CACNA2D3: variants seen among roughly 807,000 people sequenced by gnomAD.
CACNA2D3 encodes the protein voltage-dependent calcium channel subunit alpha-2/delta-3.
A neutral mutation model predicts 160.6 loss-of-function variants in CACNA2D3; 60 were observed. The ratio of observed to expected loss-of-function variants is 0.37; its 90% CI spans 0.30 to 0.46. The LOEUF (loss-of-function observed/expected upper bound fraction) is 0.46, where lower values mean the gene tolerates loss of function less well. CACNA2D3 is among the 20% of genes least tolerant of loss of function. The pLI, the probability that CACNA2D3 is intolerant of heterozygous loss-of-function variation, is 1.00. For synonymous variants in CACNA2D3, 558 were observed against 492.9 expected (o/e 1.13, Z -1.75); for missense variants, 1,205 against 1,365.0 (o/e 0.88, Z 1.85).
At chr3:54,827,925 C>CT (rs1417353810) in intron 14 of CACNA2D3, among the ~76,000 whole-genome samples, 1 of 152,194 alleles carries the variant, frequency 6.6e-6, no homozygotes, top group African/African-American at 2.4e-5. Context: ...AGTTCACAGG[C>CT]TTTACACAAT....
chr3:54,871,216 C>CAGAG (rs1559611397), intron 17 of CACNA2D3, among the ~76,000 whole-genome samples: 12 of 109,010 alleles, frequency 1.1e-4, no homozygotes, highest in African/African-American at 4.2e-4. Flanking sequence ...CACACACACA[C>CAGAG]ACACACACCC....
Position 54,157,855 on chromosome 3 carries a change from A to G in CACNA2D3, c.204+34261A>G, listed in dbSNP as rs1253793525. 6.0e-5 allele frequency among the ~76,000 whole-genome samples: 9 copies of G among 150,358 alleles called. No individual in the cohort carries two copies. The South Asian group carries it at 1.7e-3, about 28-fold the overall frequency. On this transcript the variant is annotated intron_variant, in intron 2 of 37. Coordinates refer to ENST00000474759, the MANE Select transcript of CACNA2D3 (RefSeq NM_018398.3). Reference sequence around the variant, plus strand: ...CCAAACAAAAAAAAAAAAAAAAAAAAGAAATGGGGATAAATTATCTGTGCA... The same window carrying G: ...CCAAACAAAAAAAAAAAAAAAAAAAGGAAATGGGGATAAATTATCTGTGCA...
intron 11 of CACNA2D3, among the ~76,000 whole-genome samples, chr3:54,728,030 G>C (rs1357707603): frequency 6.6e-6 from 1 of 151,990 alleles, no homozygotes; most frequent in Non-Finnish European, 1.5e-5. Context: ...TTTATATACT[G>C]TTTAGAATTT....
intron 4 of CACNA2D3, among the ~76,000 whole-genome samples, chr3:54,436,211 A>G (rs1177172823): frequency 6.6e-6 from 1 of 152,262 alleles, no homozygotes; most frequent in East Asian, 1.9e-4. Flanking sequence ...AAAAATGCAA[A>G]TCAAAACCAC....
chr3:54,863,825 A>T (rs547712563), intron 17 of CACNA2D3, among the ~76,000 whole-genome samples: 1 of 152,196 alleles, frequency 6.6e-6, no homozygotes, highest in Non-Finnish European at 1.5e-5. Context: ...GATGCTTAAA[A>T]ACATTAATTA....
At chr3:54,923,952 G>A (rs1046887756) in intron 27 of CACNA2D3, among the ~76,000 whole-genome samples, 3 of 152,228 alleles carry the variant, frequency 2.0e-5, no homozygotes, top group African/African-American at 7.2e-5. Context: ...GCATGGCTGT[G>A]TTCCAATAAA....
intron 2 of CACNA2D3, among the ~76,000 whole-genome samples, chr3:54,226,489 A>G (rs982031084): frequency 2.6e-5 from 4 of 151,782 alleles, no homozygotes; most frequent in Admixed American, 1.3e-4. Flanking sequence ...TTTTGTTGAG[A>G]CAAGGGTCTT....
intron 3 of CACNA2D3, among the ~76,000 whole-genome samples, chr3:54,374,078 G>A (rs1002982915): frequency 1.1e-4 from 16 of 152,300 alleles, no homozygotes; most frequent in African/African-American, 3.1e-4. Context: ...ATCTTTAGGC[G>A]TTTCAAGTAG....
chr3:54,432,979 T>G (rs1700010904), intron 4 of CACNA2D3, among the ~76,000 whole-genome samples: 1 of 152,128 alleles, frequency 6.6e-6, no homozygotes. Flanking sequence ...TGGAATTATT[T>G]TTTTAAAAAA....
chr3:54,778,267 C>A (rs1401356269), intron 13 of CACNA2D3, among the ~76,000 whole-genome samples: 1 of 152,148 alleles, frequency 6.6e-6, no homozygotes, highest in Non-Finnish European at 1.5e-5. Context: ...TCCCGGCAGG[C>A]CCCTTCTCCA....
chr3:54,990,148 A>G (rs1702707680), intron 31 of CACNA2D3, among the ~76,000 whole-genome samples: 1 of 152,198 alleles, frequency 6.6e-6, no homozygotes, highest in Non-Finnish European at 1.5e-5. Context: ...AGATCAGTTT[A>G]CTGTGCTGAC....
chr3:54,761,759 TGAC>T (rs1702084390), intron 12 of CACNA2D3, among the ~76,000 whole-genome samples: 1 of 151,720 alleles, frequency 6.6e-6, no homozygotes, highest in Non-Finnish European at 1.5e-5. Flanking sequence ...CAGGCAGGAG[TGAC>T]AATGCATGCT....
intron 11 of CACNA2D3, among the ~76,000 whole-genome samples, chr3:54,677,057 G>A (rs374427626): frequency 2.0e-5 from 3 of 152,104 alleles, no homozygotes; most frequent in Non-Finnish European, 2.9e-5. Flanking sequence ...TGATATGTAC[G>A]TGCCCTTGAG....
Position 54,583,623 on chromosome 3 carries a change from T to A in CACNA2D3, c.963+1746T>A, listed in dbSNP as rs191242325. ...GCATCCCTAATCTGAAAATCTGAAA[T>A]CCGCAATGCTCCAATGAGCATTTCC... is the stretch of plus-strand genomic sequence containing the variant. On this transcript the variant is annotated intron_variant, in intron 9 of 37. Transcript: ENST00000474759. Among the ~76,000 whole-genome samples, 25 of 152,336 alleles carry A rather than the reference T, an allele frequency of 1.6e-4. No individual in the cohort carries two copies. The East Asian group carries it at 4.8e-3, about 29-fold the overall frequency.
chr3:54,504,351 T>A (rs1168341725), intron 5 of CACNA2D3, among the ~76,000 whole-genome samples: 2 of 152,220 alleles, frequency 1.3e-5, no homozygotes, highest in Non-Finnish European at 2.9e-5. Context: ...GGATGGATTC[T>A]GGTCAGACCG....
intron 2 of CACNA2D3, among the ~76,000 whole-genome samples, chr3:54,224,935 A>AAT (rs1701643460): frequency 7.3e-6 from 1 of 136,172 alleles, no homozygotes; most frequent in Non-Finnish European, 1.5e-5. Context: ...TTTGTGACTG[A>AAT]ATATCTTTTT....
At chr3:54,697,441 C>G (rs1049356986) in intron 11 of CACNA2D3, among the ~76,000 whole-genome samples, 7 of 152,182 alleles carry the variant, frequency 4.6e-5, no homozygotes, top group Admixed American at 1.3e-4. Context: ...CTTCATTTGG[C>G]TGAACGAACT....
chr3:54,402,494 A>G (rs993400700), intron 4 of CACNA2D3, among the ~76,000 whole-genome samples: 2 of 152,198 alleles, frequency 1.3e-5, no homozygotes, highest in Admixed American at 6.5e-5. Context: ...CTATACTTAT[A>G]TCTAATAAAA....
intron 5 of CACNA2D3, among the ~76,000 whole-genome samples, chr3:54,517,371 G>C (rs1028798621): frequency 1.3e-5 from 2 of 152,200 alleles, no homozygotes; most frequent in African/African-American, 2.4e-5. Context: ...CTGCAGCACA[G>C]GCTGACCTCA....
Sources: allele counts gnomAD v4.1 joint callset (sites outside exome capture counted in the v4.1 genomes callset), GRCh38; gene constraint gnomAD v4.1.1; transcripts MANE v1.5; gene names NCBI Gene and HGNC (gene_info 2026-07-23, HGNC 2026-07-21).